The following NPSR1 variants were observed in gnomAD, a reference collection of about 807,000 sequenced individuals.
NPSR1 encodes the protein neuropeptide S receptor.
A neutral mutation model predicts 46.9 loss-of-function variants in NPSR1; 48 were observed. The observed-to-expected ratio is 1.02, with a 90% confidence interval of 0.81 to 1.30. The LOEUF is 1.30. Ranked by LOEUF, NPSR1 falls within the 50% of genes most tolerant of loss-of-function variation. The probability of loss-of-function intolerance (pLI) is 0.00; values close to 1 mark genes in which losing one functional copy is unlikely to be tolerated. For synonymous variants in NPSR1, 176 were observed against 168.1 expected (o/e 1.05, Z -0.36); for missense variants, 450 against 449.5 (o/e 1.00, Z -0.01).
At chr7:34,825,344 C>T (rs114548488) in intron 4 of NPSR1, among the ~76,000 whole-genome samples, 1,727 of 152,300 alleles carry the variant, frequency 0.011, 34 homozygotes, top group African/African-American at 0.039. Flanking sequence ...CTGTCCTAAT[C>T]ACAGGTGACT....
chr7:34,819,981 T>C (rs1789474377), intron 4 of NPSR1, among the ~76,000 whole-genome samples: 1 of 152,106 alleles, frequency 6.6e-6, no homozygotes, highest in Non-Finnish European at 1.5e-5. Flanking sequence ...AATGACAAGT[T>C]GATGGGTGCA....
intron 4 of NPSR1, among the ~76,000 whole-genome samples, chr7:34,824,978 G>A (rs985162450): frequency 2.0e-5 from 3 of 151,826 alleles, no homozygotes; most frequent in African/African-American, 7.3e-5. Context: ...GTTTTTCTCT[G>A]TTCCTTTAGG....
intron 7 of NPSR1, among the ~76,000 whole-genome samples, 158 bp downstream of exon 7, chr7:34,845,140 C>G (rs1434443863): frequency 6.6e-6 from 1 of 152,212 alleles, no homozygotes; most frequent in African/African-American, 2.4e-5. Context: ...ATTCATGGTT[C>G]CTTCAAGGGC....
rs324992 is a variant in NPSR1, at chr7:34,784,994, C to G, written c.384+6429C>G. Among the ~76,000 whole-genome samples the G allele has an allele frequency of 9.1e-3, 1,378 of 152,126 alleles. 21 individuals are homozygous for G. The highest frequency in any genetic ancestry group is 0.032 in the African/African-American group (1,332 of 41,478). ...GTGGCGATTCCTCAGGGATCTAGAA[C>G]TAGAAATACCATTTGACCCAGCCAT... On this transcript the variant is annotated intron_variant, in intron 3 of 8. Transcript: ENST00000360581.
chr7:34,783,964 GAA>G (rs969347985), intron 3 of NPSR1, among the ~76,000 whole-genome samples: 2 of 151,750 alleles, frequency 1.3e-5, no homozygotes, highest in African/African-American at 4.8e-5. Flanking sequence ...AACAAAAGCT[GAA>G]AGAGTTCATC....
intron 8 of NPSR1, among the ~76,000 whole-genome samples, chr7:34,859,053 G>A (rs190473110): frequency 6.6e-6 from 1 of 151,810 alleles, no homozygotes; most frequent in East Asian, 1.9e-4. Flanking sequence ...TTTGGAAGCA[G>A]TGCAGAGAAG....
downstream of NPSR1, among the ~76,000 whole-genome samples, chr7:34,851,178 C>T (rs1427264378): frequency 7.2e-6 from 1 of 139,632 alleles, no homozygotes; most frequent in Admixed American, 7.1e-5. Context: ...TTATTCAGAG[C>T]TTAAATCTTT....
Position 34,844,783 on chromosome 7 carries a change from T to A in NPSR1, c.758-113T>A, listed in dbSNP as rs1211203709. Reference sequence around the variant, plus strand: ...CCAAGGAAGGCCATCTGGGCATAAATGCACAGGATATAAGTGAAAACTGGA... The same window carrying A: ...CCAAGGAAGGCCATCTGGGCATAAAAGCACAGGATATAAGTGAAAACTGGA... On this transcript the variant is annotated intron_variant, in intron 6 of 8. Transcript: ENST00000360581. The A allele has an allele frequency of 6.9e-5, 52 of 749,626 alleles. No homozygotes were observed. The East Asian group carries it at 1.3e-3, about 19-fold the overall frequency. 46.4% of individuals were successfully genotyped at this position (749,626 alleles called of 1,614,324 possible). A position where few individuals can be genotyped will look rare whatever the true frequency, so the allele number is the denominator to read the frequency against.
At chr7:34,740,512 A>G (rs964380038) in intron 2 of NPSR1, among the ~76,000 whole-genome samples, 3 of 152,012 alleles carry the variant, frequency 2.0e-5, no homozygotes, top group African/African-American at 4.8e-5. Flanking sequence ...AGCACTCCCC[A>G]AGGACCCCTG....
intron 3 of NPSR1, among the ~76,000 whole-genome samples, chr7:34,792,922 T>G (rs1788005171): frequency 2.0e-5 from 3 of 150,098 alleles, no homozygotes; most frequent in Admixed American, 1.3e-4. Context: ...GTGCAGTGGC[T>G]CATGCTTATA....
intron 2 of NPSR1, among the ~76,000 whole-genome samples, chr7:34,749,809 G>C (rs1785416886): frequency 6.6e-6 from 1 of 152,118 alleles, no homozygotes. Flanking sequence ...TCTAAGAATG[G>C]GGATCTGTTG....
intron 4 of NPSR1, among the ~76,000 whole-genome samples, chr7:34,823,443 A>C (rs1298509797): frequency 6.6e-6 from 1 of 150,962 alleles, no homozygotes; most frequent in Non-Finnish European, 1.5e-5. Context: ...TAGAAAATGT[A>C]TAGAAATATT....
At chr7:34,840,902 TG>T (rs1469100740) in intron 6 of NPSR1, among the ~76,000 whole-genome samples, 1 of 152,116 alleles carries the variant, frequency 6.6e-6, no homozygotes, top group African/African-American at 2.4e-5. Flanking sequence ...AAAGACACCC[TG>T]GGAAGAAACT....
intron 3 of NPSR1, among the ~76,000 whole-genome samples, chr7:34,802,581 A>G (rs1324870666): frequency 6.6e-6 from 1 of 150,470 alleles, no homozygotes; most frequent in Non-Finnish European, 1.5e-5. Flanking sequence ...TGGATTAAAG[A>G]CTAAATTGTT....
intron 2 of NPSR1, among the ~76,000 whole-genome samples, chr7:34,708,359 C>G (rs1211009230): frequency 6.6e-6 from 1 of 152,198 alleles, no homozygotes; most frequent in Non-Finnish European, 1.5e-5. Context: ...ATCCATGGAA[C>G]AAGACATGCA....
At chr7:34,818,299 G>T (rs1286323248) in intron 4 of NPSR1, among the ~76,000 whole-genome samples, 4 of 152,112 alleles carry the variant, frequency 2.6e-5, no homozygotes, top group African/African-American at 7.2e-5. Flanking sequence ...GCCAAATCAT[G>T]AGTGAATTCC....
At chr7:34,830,798 G>A (rs1790080150) in intron 5 of NPSR1, among the ~76,000 whole-genome samples, 1 of 152,122 alleles carries the variant, frequency 6.6e-6, no homozygotes, top group South Asian at 2.1e-4. Flanking sequence ...TATCTGCTAG[G>A]ACAAGATCTA....
chr7:34,783,643 T>C (rs73693317), intron 3 of NPSR1, among the ~76,000 whole-genome samples: 3,826 of 152,048 alleles, frequency 0.025, 117 homozygotes, highest in African/African-American at 0.064. Flanking sequence ...GATACAAATA[T>C]CCAGGTGTAC....
intron 4 of NPSR1, among the ~76,000 whole-genome samples, chr7:34,813,753 AGACCAGTGGTGTGACCACCACAG>A (rs1789106609): frequency 1.3e-5 from 2 of 152,264 alleles, no homozygotes; most frequent in Non-Finnish European, 2.9e-5. Flanking sequence ...TATGGGAGTT[AGACCAGTGGTGTGACCACCACAG>A]GAACTTATAT....
Sources: allele counts gnomAD v4.1 joint callset (sites outside exome capture counted in the v4.1 genomes callset), GRCh38; gene constraint gnomAD v4.1.1; transcripts MANE v1.5; gene names NCBI Gene and HGNC (gene_info 2026-07-23, HGNC 2026-07-21).